KRR1: variants seen among roughly 807,000 people sequenced by gnomAD.
KRR1 encodes KRR1 small subunit processome component homolog.
Under a neutral mutation model 50.0 loss-of-function variants are expected in KRR1, and 23 were observed. The ratio of observed to expected loss-of-function variants is 0.46; its 90% CI spans 0.33 to 0.65. The LOEUF is 0.65. Ranked by LOEUF, KRR1 falls within the 30% of genes least tolerant of loss-of-function variation. The probability of loss-of-function intolerance (pLI) is 0.02; values close to 1 mark genes in which losing one functional copy is unlikely to be tolerated. For missense variants in KRR1, 419 were observed against 442.4 expected (o/e 0.95, Z 0.47); for synonymous variants, 133 against 146.3 (o/e 0.91, Z 0.66).
intron 9 of KRR1, 124 bp from the exon 10 acceptor site, chr12:75,500,075 T>A: frequency 1.4e-6 from 1 of 695,038 alleles, no homozygotes. Flanking sequence ...TATAATTGAA[T>A]AATTGAAAGG....
chr12:75,504,935 TTTCA>T (rs1193403392), intron 6 of KRR1, among the ~76,000 whole-genome samples: 1 of 152,030 alleles, frequency 6.6e-6, no homozygotes, highest in African/African-American at 2.4e-5. Flanking sequence ...TGAAGCTTAC[TTTCA>T]TTGATTACAA....
Position 75,506,621 on chromosome 12 carries a change from A to G in KRR1, c.394-12T>C. 7.2e-7 allele frequency: 1 copy of G among 1,390,854 alleles called. No individual in the cohort carries two copies. Among genetic ancestry groups the G allele is most frequent in the Non-Finnish European group, 9.7e-7 (1 of 1,028,818 alleles). The allele number at this position is 1,390,854 out of a possible 1,614,324, so 86.2% of individuals were successfully genotyped here. The stretch of plus-strand genomic sequence containing the variant: ...AGAATTCGTACTGCCTTTTGCAAAA[A>G]AAAAAAAAAAAAGAAGACATTATCA... On this transcript the variant is annotated splice_polypyrimidine_tract_variant and intron_variant, in intron 3 of 9. Coordinates refer to ENST00000229214, the MANE Select transcript of KRR1 (RefSeq NM_007043.7).
At chr12:75,501,873 A>T (rs112980611) in intron 8 of KRR1, 50 bp downstream of exon 8, 47 of 1,583,750 alleles carry the variant, frequency 3.0e-5, no homozygotes, top group Non-Finnish European at 4.1e-5. Context: ...AAATAATTCA[A>T]GTATCTATGA....
rs540567919 is a variant in KRR1 at position 75,492,123 on chromosome 12, C to G, written c.*7686G>C. 1 of 148,274 alleles carries G rather than the reference C, an allele frequency of 6.7e-6. No individual in the cohort carries two copies. The highest frequency in any genetic ancestry group is 1.5e-5 in the Non-Finnish European group (1 of 67,554). The allele number at this position is 148,274 out of a possible 1,614,324, so 9.2% of individuals were successfully genotyped here. On this transcript the variant is annotated 3_prime_UTR_variant, in exon 10 of 10. Coordinates refer to ENST00000229214, the MANE Select transcript of KRR1 (RefSeq NM_007043.7). ...TTTTTTTGAGACAGGGTCTCTCACT[C>G]TGTCACCCAGGCTGGAGTACAGTGG...
chr12:75,506,867 G>T lies in KRR1; in HGVS notation c.308C>A (p.Thr103Asn), dbSNP rs2046424852. The T allele has an allele frequency of 6.2e-7, 1 of 1,612,986 alleles. No individual in the cohort carries two copies. The highest frequency in any genetic ancestry group is 8.5e-7 in the Non-Finnish European group (1 of 1,179,442). The change falls in exon 3 of 10, where the codon ACT (threonine) becomes AAT (asparagine). Residue 103 changes from threonine (T) to asparagine (N), a missense_variant. Physicochemically the swap from Thr to Asn is moderately conservative, Grantham distance 65. Coordinates refer to ENST00000229214, the MANE Select transcript of KRR1 (RefSeq NM_007043.7). ...DLIEGSMTVC[T>N]TKKTFDPYII... Reference sequence around the variant, plus strand: ...ATATGGATCAAAAGTCTTCTTTGTAGTACAAACAGTCATGCTGCCTTCGAT... The same window carrying T: ...ATATGGATCAAAAGTCTTCTTTGTATTACAAACAGTCATGCTGCCTTCGAT...
chr12:75,495,718 C>A lies in KRR1; in HGVS notation c.*4091G>T. On this transcript the variant is annotated 3_prime_UTR_variant, in exon 10 of 10. Coordinates refer to ENST00000229214, the MANE Select transcript of KRR1 (RefSeq NM_007043.7). ...TAACATAATAGTAACATGTAACTTT[C>A]TACAGAATTAACAATGAAACCATGT... 1 of 1,006,482 alleles carries A rather than the reference C, an allele frequency of 9.9e-7. No individual in the cohort carries two copies. The highest frequency in any genetic ancestry group is 1.5e-6 in the Non-Finnish European group (1 of 647,350). The allele number at this position is 1,006,482 out of a possible 1,614,324, so 62.3% of individuals were successfully genotyped here. A position where few individuals can be genotyped will look rare whatever the true frequency, so the allele number is the denominator to read the frequency against.
rs970361453 is a variant in KRR1 at position 75,490,975 on chromosome 12, C to G, written c.*8834G>C. On this transcript the variant is annotated 3_prime_UTR_variant, in exon 10 of 10. Transcript: ENST00000229214. ...TTACTTTTGACAGTTGTTTTTAAAA[C>G]AGATATAGTTCCCACTTTGGGAAAC... 1 of 153,450 alleles carries G rather than the reference C, an allele frequency of 6.5e-6. No homozygotes were observed. Among genetic ancestry groups the G allele is most frequent in the African/African-American group, 2.4e-5 (1 of 41,424 alleles). The allele number at this position is 153,450 out of a possible 1,614,324, so 9.5% of individuals were successfully genotyped here.
At position 75,498,993 on chromosome 12, in the gene KRR1, G is replaced by A. The variant is rs1566101709; in HGVS notation, c.*816C>T. 6.6e-7 allele frequency: 1 copy of A among 1,520,088 alleles called. No individual in the cohort carries two copies. Among genetic ancestry groups the A allele is most frequent in the Non-Finnish European group, 8.8e-7 (1 of 1,138,416 alleles). The allele number at this position is 1,520,088 out of a possible 1,614,324, so 94.2% of individuals were successfully genotyped here. ...TTTTGGACTAATACAATTCAGGAAAGAAAAAACCCAAAAACCAACCTCATT... is the reference window on the plus strand; with the variant it reads ...TTTTGGACTAATACAATTCAGGAAAAAAAAAACCCAAAAACCAACCTCATT... On this transcript the variant is annotated 3_prime_UTR_variant, in exon 10 of 10. Transcript: ENST00000229214.
intron 6 of KRR1, among the ~76,000 whole-genome samples, chr12:75,504,473 A>G (rs1166160241): frequency 1.3e-5 from 2 of 152,124 alleles, no homozygotes; most frequent in African/African-American, 4.8e-5. Flanking sequence ...GATTACAGAA[A>G]ACCAGTATTT....
chr12:75,508,265 T>A lies in KRR1; in HGVS notation c.258+9A>T. On this transcript the variant is annotated intron_variant, in intron 2 of 9. Transcript: ENST00000229214. ...CTCAAATAAATGTATTGATATAAGA[T>A]ACACATACATGTTCATTTAAGGCTT... The A allele has an allele frequency of 6.3e-7, 1 of 1,588,690 alleles. No individual in the cohort carries two copies. The highest frequency in any genetic ancestry group is 8.6e-7 in the Non-Finnish European group (1 of 1,168,790).
chr12:75,495,628 C>A lies in KRR1; in HGVS notation c.*4181G>T, dbSNP rs1252234769. On this transcript the variant is annotated 3_prime_UTR_variant, in exon 10 of 10. Coordinates refer to ENST00000229214, the MANE Select transcript of KRR1 (RefSeq NM_007043.7). ...AGAGAGGAGCCACCTGCAGTGCCTG[C>A]CCCAATAATGACAAGTGTTTGGACA... 5 of 1,610,226 alleles carry A rather than the reference C, an allele frequency of 3.1e-6. No homozygotes were observed. The African/African-American group carries it at 5.3e-5, about 17-fold the overall frequency.
At chr12:75,503,795 CAA>C in intron 7 of KRR1, 107 bp downstream of exon 7, 1 of 958,004 alleles carries the variant, frequency 1.0e-6, no homozygotes, top group Non-Finnish European at 1.5e-6. Flanking sequence ...CACACACACA[CAA>C]TATATATATA....
chr12:75,505,195 C>T lies in KRR1; in HGVS notation c.660+3G>A, dbSNP rs2046416469. 1 of 1,547,042 alleles carries T rather than the reference C, an allele frequency of 6.5e-7. No individual in the cohort carries two copies. Among genetic ancestry groups the T allele is most frequent in the East Asian group, 2.4e-5 (1 of 42,466 alleles). ...GGTACAGTTATATATAATTACCACT[C>T]ACTTTAATGTTATAAATTGGATGAA... On this transcript the variant is annotated splice_donor_region_variant and intron_variant, in intron 6 of 9. Transcript: ENST00000229214.
In KRR1 at chr12:75,496,528, TTTCTTG is replaced by T. The variant is rs1228522101; in HGVS notation, c.*3275_*3280del. On this transcript the variant is annotated 3_prime_UTR_variant, in exon 10 of 10. Transcript: ENST00000229214. ...ATATTAGTAAGTGACCAAGAGTTTA[TTTCTTG>T]TTCTTGTTCTAGACACAAACCCTTC... 7.2e-5 allele frequency: 11 copies of T among 151,992 alleles called. No homozygotes were observed. Among genetic ancestry groups the T allele is most frequent in the Non-Finnish European group, 1.5e-4 (10 of 67,994 alleles). 9.4% of individuals were successfully genotyped at this position (151,992 alleles called of 1,614,324 possible). A position where few individuals can be genotyped will look rare whatever the true frequency, so the allele number is the denominator to read the frequency against.
chr12:75,501,843 A>T, intron 8 of KRR1, 27 bp from the exon 9 acceptor site: 1 of 1,563,010 alleles, frequency 6.4e-7, no homozygotes, highest in Non-Finnish European at 8.8e-7. Flanking sequence ...AAAATATATC[A>T]GTTAAATGTA....
In KRR1 at chr12:75,508,434, A is replaced by G. The variant is rs762022873; in HGVS notation, c.98T>C (p.Leu33Pro). The G allele has an allele frequency of 1.3e-6, 2 of 1,598,432 alleles. No homozygotes were observed. Among genetic ancestry groups the G allele is most frequent in the South Asian group, 2.3e-5 (2 of 88,132 alleles). ...CTTCCAACCATCAGGAACCGTAAGG[A>G]GTTCTGATTCATCTACAGAAAGGAA... ...PKPENQDESE[L>P]LTVPDGWKEP... Residue 33 changes from leucine to proline, a missense_variant, in exon 2 of 10, where the codon CTC (leucine) becomes CCC (proline). Leu to Pro is a moderately conservative substitution (Grantham distance 98). Coordinates refer to ENST00000229214, the MANE Select transcript of KRR1 (RefSeq NM_007043.7).
intron 4 of KRR1, 25 bp downstream of exon 4, chr12:75,506,459 A>T (rs769520867): frequency 6.2e-7 from 1 of 1,604,916 alleles, no homozygotes; most frequent in East Asian, 2.3e-5. Context: ...GAAGAGACTC[A>T]AGTTTTCCAC....
rs1298024487 is a variant in KRR1 at position 75,495,996 on chromosome 12, CGTT to C, written c.*3810_*3812del. On this transcript the variant is annotated 3_prime_UTR_variant, in exon 10 of 10. Transcript: ENST00000229214. Reference sequence around the variant, plus strand: ...ATCCAAACAAACAGAATTCTGTTTTCGTTTTTTTTTTTGTTTTTTTTTTTTGAG... The same window carrying C: ...ATCCAAACAAACAGAATTCTGTTTTCTTTTTTTTTGTTTTTTTTTTTTGAG... The C allele has an allele frequency of 8.0e-6, 1 of 125,058 alleles. No individual in the cohort carries two copies. Among genetic ancestry groups the C allele is most frequent in the Non-Finnish European group, 1.7e-5 (1 of 57,390 alleles). The allele number at this position is 125,058 out of a possible 1,614,324, so 7.7% of individuals were successfully genotyped here. A position where few individuals can be genotyped will look rare whatever the true frequency, so the allele number is the denominator to read the frequency against.
At position 75,498,981 on chromosome 12, in the gene KRR1, C is replaced by G. The variant is rs2046370898; in HGVS notation, c.*828G>C. ...CTAATTTAGTTCTTTTGGACTAATA[C>G]AATTCAGGAAAGAAAAAACCCAAAA... On this transcript the variant is annotated 3_prime_UTR_variant, in exon 10 of 10. Coordinates refer to ENST00000229214, the MANE Select transcript of KRR1 (RefSeq NM_007043.7). The G allele has an allele frequency of 4.5e-6, 7 of 1,555,338 alleles. No homozygotes were observed. The highest frequency in any genetic ancestry group is 5.2e-6 in the Non-Finnish European group (6 of 1,155,944).
Sources: gnomAD v4.1 joint callset for allele counts (sites outside exome capture counted in the v4.1 genomes callset) on GRCh38, gnomAD v4.1.1 for gene constraint, MANE v1.5 for transcripts, NCBI Gene and HGNC (gene_info 2026-07-23, HGNC 2026-07-21) for gene names.